The following CFAP299 variants were observed in gnomAD, a reference collection of about 807,000 sequenced individuals.
CFAP299 encodes cilia- and flagella-associated protein 299.
CFAP299 carries 21 observed loss-of-function variants against 27.0 expected under a neutral mutation model. The observed-to-expected ratio is 0.78, with a 90% CI of 0.55 to 1.12. The LOEUF (loss-of-function observed/expected upper bound fraction) is 1.12. Ranked by LOEUF, CFAP299 falls within the 50% of genes most tolerant of loss-of-function variation. The pLI, the probability that CFAP299 is intolerant of heterozygous loss-of-function variation, is 0.00. For synonymous variants in CFAP299, 104 were observed against 98.1 expected (o/e 1.06, Z -0.36); for missense variants, 310 against 276.6 (o/e 1.12, Z -0.86).
rs1019167571 is a variant in CFAP299, at chr4:80,387,806, C to G, written c.242+24922C>G. On this transcript the variant is annotated intron_variant, in intron 2 of 5. Transcript: ENST00000358105. The stretch of plus-strand genomic sequence containing the variant: ...CAGTATGGGCACTTGAGTTTCTGAG[C>G]CTTTGGCTTCCCTGTAGCTTCCAGG... 52 of 1,575,920 alleles carry G rather than the reference C, an allele frequency of 3.3e-5. No homozygotes were observed. The South Asian group carries it at 3.4e-4, about 10-fold the overall frequency.
At chr4:80,561,142 A>C (rs1735018775) in intron 2 of CFAP299, among the ~76,000 whole-genome samples, 1 of 152,152 alleles carries the variant, frequency 6.6e-6, no homozygotes, top group Non-Finnish European at 1.5e-5. Flanking sequence ...GCTTGGGAGA[A>C]TGTAAGAGAA....
intron 3 of CFAP299, among the ~76,000 whole-genome samples, chr4:80,771,984 G>A (rs1174545656): frequency 6.6e-6 from 1 of 152,144 alleles, no homozygotes; most frequent in African/African-American, 2.4e-5. Context: ...GGACATCAAA[G>A]GACCACTAGC....
At chr4:80,387,108 G>T in intron 2 of CFAP299, 1 of 1,444,618 alleles carries the variant, frequency 6.9e-7, no homozygotes, top group Non-Finnish European at 9.7e-7. Flanking sequence ...CAGGGCCTCT[G>T]GGGTGGATAT....
At chr4:80,915,980 G>A (rs1236828026) in intron 4 of CFAP299, among the ~76,000 whole-genome samples, 1 of 151,266 alleles carries the variant, frequency 6.6e-6, no homozygotes, top group Non-Finnish European at 1.5e-5. Context: ...TTTATTTCAG[G>A]GCTGGGTGCA....
intron 3 of CFAP299, among the ~76,000 whole-genome samples, chr4:80,623,066 C>A (rs559258609): frequency 6.6e-6 from 1 of 152,046 alleles, no homozygotes; most frequent in African/African-American, 2.4e-5. Context: ...AGTGACTGAC[C>A]GATCTCATCA....
chr4:80,394,564 C>G (rs557996662), intron 2 of CFAP299, among the ~76,000 whole-genome samples: 1 of 151,934 alleles, frequency 6.6e-6, no homozygotes, highest in African/African-American at 2.4e-5. Context: ...CAGTTTCTTA[C>G]GTATAAGTCA....
chr4:80,595,626 A>G (rs932532292), intron 3 of CFAP299, among the ~76,000 whole-genome samples: 1 of 152,212 alleles, frequency 6.6e-6, no homozygotes, highest in African/African-American at 2.4e-5. Context: ...ATGACATCTC[A>G]TTTAGTTGAG....
the CFAP299 span, among the ~76,000 whole-genome samples, chr4:80,329,387 A>AAAG: frequency 6.6e-6 from 1 of 152,046 alleles, no homozygotes; most frequent in Admixed American, 6.5e-5. Context: ...TTGAAGATTT[A>AAAG]AAGAATCAGG....
intron 5 of CFAP299, among the ~76,000 whole-genome samples, chr4:80,948,934 T>G (rs901015125): frequency 6.6e-6 from 1 of 152,158 alleles, no homozygotes; most frequent in East Asian, 1.9e-4. Context: ...GTATAGTCAT[T>G]TTCCCTATAT....
chr4:80,465,818 C>G (rs1729672032), intron 2 of CFAP299, among the ~76,000 whole-genome samples: 1 of 152,178 alleles, frequency 6.6e-6, no homozygotes, highest in Non-Finnish European at 1.5e-5. Flanking sequence ...GCTGTTCTTT[C>G]ATTGAACCTA....
intron 2 of CFAP299, among the ~76,000 whole-genome samples, chr4:80,399,603 A>T (rs975998693): frequency 1.3e-5 from 2 of 150,440 alleles, no homozygotes; most frequent in African/African-American, 4.9e-5. Flanking sequence ...AAAAAACCAA[A>T]CACCTCATGT....
At chr4:80,783,283 A>G (rs72879930) in intron 3 of CFAP299, among the ~76,000 whole-genome samples, 5,108 of 152,176 alleles carry the variant, frequency 0.034, 208 homozygotes, top group African/African-American at 0.1. Context: ...ATATTCTGTT[A>G]GTTACTCAAG....
chr4:80,864,501 CATATATACCT>C (rs1360119178), intron 3 of CFAP299, among the ~76,000 whole-genome samples: 2 of 143,758 alleles, frequency 1.4e-5, no homozygotes, highest in South Asian at 2.2e-4. Flanking sequence ...CATATATATA[CATATATACCT>C]ATATATACGT....
At chr4:80,947,264 G>A (rs1262442409) in intron 5 of CFAP299, among the ~76,000 whole-genome samples, 1 of 152,102 alleles carries the variant, frequency 6.6e-6, no homozygotes, top group African/African-American at 2.4e-5. Context: ...GTTAATGAGT[G>A]GTAAGAGTAA....
intron 2 of CFAP299, among the ~76,000 whole-genome samples, chr4:80,407,164 TA>T (rs552687730): frequency 6.0e-4 from 89 of 147,780 alleles, no homozygotes; most frequent in Non-Finnish European, 7.8e-4. Flanking sequence ...AGTATAGGTT[TA>T]AAAAAAAAAC....
intron 3 of CFAP299, 120 bp from the exon 4 acceptor site, chr4:80,869,873 T>A: frequency 1.1e-6 from 1 of 945,184 alleles, no homozygotes; most frequent in Non-Finnish European, 1.6e-6. Flanking sequence ...AACCACTCTT[T>A]CAGAAGCCCT....
At chr4:80,686,209 T>C (rs1720181103) in intron 3 of CFAP299, among the ~76,000 whole-genome samples, 1 of 152,184 alleles carries the variant, frequency 6.6e-6, no homozygotes, top group Non-Finnish European at 1.5e-5. Context: ...AAATAAACAT[T>C]GCATAACCTT....
chr4:80,728,149 G>T (rs935344056), intron 3 of CFAP299, among the ~76,000 whole-genome samples: 1 of 151,958 alleles, frequency 6.6e-6, no homozygotes, highest in Admixed American at 6.6e-5. Flanking sequence ...CATTGTCAAA[G>T]CTCAGTAAGT....
intron 3 of CFAP299, among the ~76,000 whole-genome samples, chr4:80,740,399 T>A (rs1217842118): frequency 6.6e-6 from 1 of 152,214 alleles, no homozygotes; most frequent in Non-Finnish European, 1.5e-5. Context: ...TGGTCTTGGA[T>A]AAGATCTGGA....
Sources: allele counts gnomAD v4.1 joint callset (sites outside exome capture counted in the v4.1 genomes callset), GRCh38; gene constraint gnomAD v4.1.1; transcripts MANE v1.5; gene names NCBI Gene and HGNC (gene_info 2026-07-23, HGNC 2026-07-21).